The following SSH2 variants were observed in gnomAD, a reference collection of about 807,000 sequenced individuals.
The protein encoded by SSH2 is slingshot protein phosphatase 2.
SSH2 carries 37 observed loss-of-function variants against 135.2 expected under a neutral mutation model. The ratio of observed to expected loss-of-function variants is 0.27; its 90% CI spans 0.21 to 0.36. The LOEUF is 0.36. Among genes scored for constraint, SSH2 ranks in the 10% least tolerant of loss-of-function variants. The pLI, the probability that SSH2 is intolerant of heterozygous loss-of-function variation, is 1.00. For missense variants in SSH2, 1,408 were observed against 1,765.3 expected (o/e 0.80, Z 3.63); for synonymous variants, 628 against 646.2 (o/e 0.97, Z 0.43).
chr17:29,906,606 T>C (rs936310206), intron 1 of SSH2, among the ~76,000 whole-genome samples: 1 of 152,172 alleles, frequency 6.6e-6, no homozygotes, highest in Non-Finnish European at 1.5e-5. Flanking sequence ...ATTTTTGCAA[T>C]CTATCCATCT....
At position 29,913,347 on chromosome 17, in the gene SSH2, A is replaced by ATT. The variant is rs1429739888; in HGVS notation, c.63+16590_63+16591insAA. ...AAAAAAAAAAAAAAAAAAAAAAAAA[A>ATT]ATATATATATATATATATATATATA... On this transcript the variant is annotated intron_variant, in intron 1 of 15. Transcript: ENST00000540801. Among the ~76,000 whole-genome samples, 81 of 28,792 alleles carry ATT rather than the reference A, an allele frequency of 2.8e-3. 5 individuals carry two copies. Among genetic ancestry groups the ATT allele is most frequent in the African/African-American group, 6.5e-3 (52 of 8,062 alleles). The allele number at this position is 28,792 out of a possible 152,430, so 18.9% of individuals were successfully genotyped here.
intron 3 of SSH2, among the ~76,000 whole-genome samples, chr17:29,730,763 G>A (rs1370898637): frequency 1.3e-5 from 2 of 152,058 alleles, no homozygotes; most frequent in African/African-American, 2.4e-5. Context: ...CACATTGCAT[G>A]CCTGTATCAA....
intron 1 of SSH2, chr17:29,929,306 GC>G (rs1272297621): frequency 6.5e-6 from 1 of 154,272 alleles, no homozygotes; most frequent in Non-Finnish European, 1.4e-5. Flanking sequence ...AGCACCAGAT[GC>G]TTCGGGACCT....
intron 1 of SSH2, among the ~76,000 whole-genome samples, chr17:29,911,762 T>G (rs1431496240): frequency 6.6e-6 from 1 of 152,188 alleles, no homozygotes; most frequent in Non-Finnish European, 1.5e-5. Context: ...ATAAAATGAC[T>G]GATAGAAGCT....
intron 1 of SSH2, among the ~76,000 whole-genome samples, chr17:29,927,498 T>G (rs995617495): frequency 2.4e-4 from 37 of 152,176 alleles, no homozygotes. Context: ...GTACTTAAAG[T>G]GATTAATAAA....
intron 1 of SSH2, among the ~76,000 whole-genome samples, chr17:29,921,512 A>G (rs994604149): frequency 6.6e-6 from 1 of 152,216 alleles, no homozygotes; most frequent in African/African-American, 2.4e-5. Context: ...AAACAGTAGA[A>G]GAACTCAAAA....
intron 1 of SSH2, among the ~76,000 whole-genome samples, chr17:29,914,119 AT>A (rs1233728141): frequency 6.6e-6 from 1 of 152,172 alleles, no homozygotes; most frequent in African/African-American, 2.4e-5. Flanking sequence ...ACAAGTGTAT[AT>A]CTTATATCTT....
chr17:29,635,443 C>T (rs575938122), intron 15 of SSH2, among the ~76,000 whole-genome samples: 3 of 151,844 alleles, frequency 2.0e-5, no homozygotes, highest in South Asian at 2.1e-4. Flanking sequence ...CTTGCTCTGT[C>T]GCCCAGGCTG....
intron 3 of SSH2, among the ~76,000 whole-genome samples, chr17:29,703,980 T>C (rs985790595): frequency 5.3e-5 from 8 of 152,194 alleles, no homozygotes; most frequent in African/African-American, 1.7e-4. Flanking sequence ...TTCTTCCTAA[T>C]AGAGTAGGCC....
intron 1 of SSH2, among the ~76,000 whole-genome samples, chr17:29,897,217 C>T (rs1474155782): frequency 6.6e-6 from 1 of 152,086 alleles, no homozygotes; most frequent in Non-Finnish European, 1.5e-5. Context: ...GAAGAAACTT[C>T]ATCAACTAAC....
chr17:29,823,878 CAAA>C (rs60064865), intron 2 of SSH2, among the ~76,000 whole-genome samples: 1 of 85,072 alleles, frequency 1.2e-5, no homozygotes. Context: ...GACTCTGTCT[CAAA>C]AAAAAAAAAA....
chr17:29,642,336 A>C (rs2036196550), intron 14 of SSH2, among the ~76,000 whole-genome samples: 1 of 152,146 alleles, frequency 6.6e-6, no homozygotes, highest in Non-Finnish European at 1.5e-5. Context: ...TTCTGAGGAA[A>C]CATGGCACAG....
At chr17:29,779,116 A>G (rs1401363570) in intron 3 of SSH2, among the ~76,000 whole-genome samples, 1 of 152,054 alleles carries the variant, frequency 6.6e-6, no homozygotes, top group Non-Finnish European at 1.5e-5. Flanking sequence ...GGAAGGAAGG[A>G]AGTGAAGGAG....
intron 6 of SSH2, among the ~76,000 whole-genome samples, chr17:29,681,125 G>A (rs2037965398): frequency 1.3e-5 from 2 of 151,564 alleles, no homozygotes; most frequent in African/African-American, 2.4e-5. Context: ...CGGATCACGA[G>A]GTCGAGATAG....
At chr17:29,807,812 T>C (rs1451364832) in intron 2 of SSH2, among the ~76,000 whole-genome samples, 1 of 145,222 alleles carries the variant, frequency 6.9e-6, no homozygotes, top group Non-Finnish European at 1.5e-5. Context: ...TAGAAAATTA[T>C]AAATATGTTG....
At chr17:29,695,605 T>C in intron 4 of SSH2, 82 bp from the exon 5 acceptor site, 8 of 1,267,162 alleles carry the variant, frequency 6.3e-6, no homozygotes, top group Non-Finnish European at 8.9e-6. Flanking sequence ...TAGTGACTTT[T>C]GTAAAAGAAA....
intron 3 of SSH2, among the ~76,000 whole-genome samples, chr17:29,737,207 T>C (rs2040403331): frequency 1.3e-5 from 2 of 151,912 alleles, no homozygotes; most frequent in African/African-American, 4.8e-5. Context: ...ATTTAGATTA[T>C]CTGTTATATA....
chr17:29,778,953 C>T (rs1315676083), intron 3 of SSH2, among the ~76,000 whole-genome samples: 1 of 144,176 alleles, frequency 6.9e-6, no homozygotes, highest in Non-Finnish European at 1.5e-5. Flanking sequence ...TCCAGGAAAA[C>T]AACTCTTCCA....
chr17:29,743,289 C>T (rs938799168), intron 3 of SSH2, among the ~76,000 whole-genome samples: 2 of 151,938 alleles, frequency 1.3e-5, no homozygotes, highest in African/African-American at 4.8e-5. Context: ...TTTTTAAATG[C>T]CTAGGGGATT....
Sources: gnomAD v4.1 joint callset for allele counts (sites outside exome capture counted in the v4.1 genomes callset) on GRCh38, gnomAD v4.1.1 for gene constraint, MANE v1.5 for transcripts, NCBI Gene and HGNC (gene_info 2026-07-23, HGNC 2026-07-21) for gene names.